Variants in GPATCH2 observed in about 807,000 individuals in gnomAD.
GPATCH2 encodes G patch domain-containing protein 2.
GPATCH2 carries 51 observed loss-of-function variants against 58.0 expected under a neutral mutation model. The ratio of observed to expected loss-of-function variants is 0.88; its 90% confidence interval spans 0.70 to 1.11. GPATCH2 has a LOEUF of 1.11. Among genes scored for constraint, GPATCH2 ranks in the 50% most tolerant of loss-of-function variants. The pLI is 0.00. For synonymous variants in GPATCH2, 222 were observed against 218.5 expected (o/e 1.02, Z -0.14); for missense variants, 625 against 652.2 (o/e 0.96, Z 0.45).
At position 217,430,544 on chromosome 1, in the gene GPATCH2, T is replaced by G. The variant is rs1279202608; in HGVS notation, c.*601A>C. The G allele has an allele frequency of 1.3e-5, 2 of 152,306 alleles. No homozygotes were observed. The highest frequency in any genetic ancestry group is 4.8e-5 in the African/African-American group (2 of 41,446). 9.4% of individuals were successfully genotyped at this position (152,306 alleles called of 1,614,324 possible). A position where few individuals can be genotyped will look rare whatever the true frequency, so the allele number is the denominator to read the frequency against. On this transcript the variant is annotated 3_prime_UTR_variant, in exon 10 of 10. Coordinates refer to ENST00000366935, the MANE Select transcript of GPATCH2 (RefSeq NM_018040.5). The stretch of plus-strand genomic sequence containing the variant: ...TTTGTCAAAACATCCAAGGGAAACA[T>G]TAATTGTTGTTTGTCAACTGTGAAC...
intron 8 of GPATCH2, among the ~76,000 whole-genome samples, chr1:217,462,832 G>C (rs1477498672): frequency 6.6e-6 from 1 of 152,180 alleles, no homozygotes; most frequent in African/African-American, 2.4e-5. Context: ...AGTGTGGACT[G>C]TGCAGCCCAA....
chr1:217,545,737 T>C (rs541472641), intron 5 of GPATCH2, among the ~76,000 whole-genome samples: 2 of 152,294 alleles, frequency 1.3e-5, no homozygotes, highest in East Asian at 3.9e-4. Flanking sequence ...ACTGGGATGA[T>C]GAGAGGCCCT....
chr1:217,623,731 A>C (rs1669314807), intron 1 of GPATCH2, among the ~76,000 whole-genome samples: 1 of 151,810 alleles, frequency 6.6e-6, no homozygotes, highest in African/African-American at 2.4e-5. Flanking sequence ...GTGAAACCCC[A>C]TCCCTACTAA....
At position 217,628,234 on chromosome 1, in the gene GPATCH2, T is replaced by A. The variant is rs368315295; in HGVS notation, c.56+2682A>T. Among the ~76,000 whole-genome samples, 27 of 151,960 alleles carry A rather than the reference T, an allele frequency of 1.8e-4. No homozygotes were observed. In the East Asian group the frequency reaches 2.3e-3, roughly 13 times the overall value. On this transcript the variant is annotated intron_variant, in intron 1 of 9. Coordinates refer to ENST00000366935, the MANE Select transcript of GPATCH2 (RefSeq NM_018040.5). The stretch of plus-strand genomic sequence containing the variant: ...CTGAACAAAAAACAAAAGAAAAACA[T>A]AATGACTAAAACTTTTAGACAATCC...
At chr1:217,535,974 A>C (rs1664440814) in intron 5 of GPATCH2, among the ~76,000 whole-genome samples, 2 of 152,230 alleles carry the variant, frequency 1.3e-5, no homozygotes, top group South Asian at 4.1e-4. Flanking sequence ...ATATGCTAAG[A>C]ATCACATTGA....
chr1:217,514,041 G>A (rs1662995608), intron 6 of GPATCH2, among the ~76,000 whole-genome samples: 1 of 151,914 alleles, frequency 6.6e-6, no homozygotes, highest in Admixed American at 6.6e-5. Flanking sequence ...TGGCCAGGCT[G>A]GTCTCGAACT....
chr1:217,565,692 G>A (rs1196998264), intron 5 of GPATCH2, among the ~76,000 whole-genome samples: 3 of 152,032 alleles, frequency 2.0e-5, no homozygotes, highest in African/African-American at 4.8e-5. Flanking sequence ...CACACTTTCA[G>A]GTAACCAAGT....
chr1:217,613,174 C>G (rs1223762047), intron 3 of GPATCH2, among the ~76,000 whole-genome samples: 1 of 151,956 alleles, frequency 6.6e-6, no homozygotes, highest in Non-Finnish European at 1.5e-5. Context: ...CATATTTCAG[C>G]AAAGTATCAA....
chr1:217,545,779 C>A (rs1571895164), intron 5 of GPATCH2, among the ~76,000 whole-genome samples: 1 of 152,100 alleles, frequency 6.6e-6, no homozygotes, highest in African/African-American at 2.4e-5. Context: ...AGGTAAAATA[C>A]ATAAAGGGTT....
chr1:217,582,781 T>A (rs1667134633), intron 5 of GPATCH2, among the ~76,000 whole-genome samples: 1 of 152,176 alleles, frequency 6.6e-6, no homozygotes, highest in Non-Finnish European at 1.5e-5. Context: ...GCTTTAATGA[T>A]TTGAATATCT....
At chr1:217,586,215 T>C (rs1667333933) in intron 5 of GPATCH2, among the ~76,000 whole-genome samples, 1 of 152,238 alleles carries the variant, frequency 6.6e-6, no homozygotes, top group African/African-American at 2.4e-5. Flanking sequence ...TAACCTTGGT[T>C]TATTGTAACT....
chr1:217,485,549 T>C (rs1337860820), intron 8 of GPATCH2, among the ~76,000 whole-genome samples: 1 of 151,932 alleles, frequency 6.6e-6, no homozygotes, highest in Non-Finnish European at 1.5e-5. Flanking sequence ...ACTTTGTAAA[T>C]TGGTGAAAAT....
chr1:217,585,356 C>A (rs1246033182), intron 5 of GPATCH2, among the ~76,000 whole-genome samples: 1 of 152,136 alleles, frequency 6.6e-6, no homozygotes, highest in Non-Finnish European at 1.5e-5. Flanking sequence ...GGCGCGGTGG[C>A]TCACGCCTAT....
chr1:217,560,497 T>C (rs1343783183), intron 5 of GPATCH2, among the ~76,000 whole-genome samples: 2 of 152,220 alleles, frequency 1.3e-5, no homozygotes, highest in African/African-American at 4.8e-5. Context: ...CCAAATATAA[T>C]AAAATGCAGC....
chr1:217,602,073 T>C (rs761265314), intron 5 of GPATCH2, among the ~76,000 whole-genome samples: 5 of 152,204 alleles, frequency 3.3e-5, no homozygotes, highest in Non-Finnish European at 5.9e-5. Flanking sequence ...CTTAGCCTCC[T>C]GATATAGTCT....
chr1:217,629,736 T>C (rs1166118780), intron 1 of GPATCH2, among the ~76,000 whole-genome samples: 1 of 152,240 alleles, frequency 6.6e-6, no homozygotes, highest in Non-Finnish European at 1.5e-5. Context: ...ATGCTAGTTA[T>C]ACCATTAAAA....
chr1:217,482,065 G>C (rs1661236581), intron 8 of GPATCH2, among the ~76,000 whole-genome samples: 1 of 152,140 alleles, frequency 6.6e-6, no homozygotes, highest in African/African-American at 2.4e-5. Context: ...GAGAGAGAGA[G>C]AGGGTCAGTA....
intron 5 of GPATCH2, among the ~76,000 whole-genome samples, chr1:217,592,637 G>A (rs1375312766): frequency 1.3e-5 from 2 of 151,850 alleles, no homozygotes; most frequent in African/African-American, 2.4e-5. Flanking sequence ...TACATGTAGT[G>A]TTCATGGAAA....
intron 5 of GPATCH2, among the ~76,000 whole-genome samples, chr1:217,584,854 T>C (rs538727159): frequency 6.6e-6 from 1 of 152,246 alleles, no homozygotes; most frequent in South Asian, 2.1e-4. Context: ...GCATTAGTTA[T>C]ATGGTAGACA....
Sources: allele counts gnomAD v4.1 joint callset (sites outside exome capture counted in the v4.1 genomes callset), GRCh38; gene constraint gnomAD v4.1.1; transcripts MANE v1.5; gene names NCBI Gene and HGNC (gene_info 2026-07-23, HGNC 2026-07-21).